NAALADL2: variants seen among roughly 807,000 people sequenced by gnomAD.
The protein encoded by NAALADL2 is N-acetylated alpha-linked acidic dipeptidase like 2.
In NAALADL2, 76 loss-of-function variants were observed where a neutral mutation model predicts 87.2. The ratio of observed to expected loss-of-function variants is 0.87; its 90% CI spans 0.72 to 1.05. The LOEUF (loss-of-function observed/expected upper bound fraction) is 1.05, where lower values mean the gene tolerates loss of function less well. Ranked by LOEUF, NAALADL2 falls within the 50% of genes least tolerant of loss-of-function variation. NAALADL2 has a pLI of 0.00. For missense variants in NAALADL2, 1,089 were observed against 945.8 expected, an observed-to-expected ratio of 1.15 and a Z score of -1.99; for synonymous variants, 354 against 331.0, an observed-to-expected ratio of 1.07 and a Z score of -0.75.
At chr3:175,791,729 A>G (rs1752798860) in intron 13 of NAALADL2, among the ~76,000 whole-genome samples, 1 of 152,030 alleles carries the variant, frequency 6.6e-6, no homozygotes, top group South Asian at 2.1e-4. Flanking sequence ...TCATTTCTGT[A>G]AACTGTTACA....
chr3:175,687,856 C>T (rs2149903905), intron 11 of NAALADL2, among the ~76,000 whole-genome samples: 1 of 151,974 alleles, frequency 6.6e-6, no homozygotes, highest in South Asian at 2.1e-4. Flanking sequence ...TTCTGCTTGC[C>T]ATGTGATGCA....
At chr3:175,598,983 C>G (rs983410007) in intron 10 of NAALADL2, among the ~76,000 whole-genome samples, 4 of 152,150 alleles carry the variant, frequency 2.6e-5, no homozygotes, top group Admixed American at 2.6e-4. Flanking sequence ...TTGTTTGGAT[C>G]CTTCTTTTAT....
At chr3:174,725,773 G>T (rs1232435613) in intron 2 of NAALADL2, among the ~76,000 whole-genome samples, 9 of 152,080 alleles carry the variant, frequency 5.9e-5, no homozygotes, top group Non-Finnish European at 1.2e-4. Flanking sequence ...GTTCTAATTT[G>T]AACCACAGTG....
chr3:174,643,832 G>C (rs1393889336), intron 2 of NAALADL2, among the ~76,000 whole-genome samples: 1 of 151,968 alleles, frequency 6.6e-6, no homozygotes, highest in African/African-American at 2.4e-5. Flanking sequence ...AATAATTATA[G>C]ACCCTAAACC....
chr3:175,748,133 T>G (rs1746158637), intron 12 of NAALADL2, among the ~76,000 whole-genome samples: 1 of 152,214 alleles, frequency 6.6e-6, no homozygotes, highest in African/African-American at 2.4e-5. Context: ...TTTTCACCCT[T>G]AAATAATATC....
intron 1 of NAALADL2, among the ~76,000 whole-genome samples, chr3:174,994,837 C>A (rs1747210489): frequency 1.3e-5 from 2 of 152,106 alleles, no homozygotes; most frequent in South Asian, 4.1e-4. Context: ...TGCAATTTAT[C>A]TTGTTTACAA....
At chr3:175,064,069 C>G (rs77775417) in intron 1 of NAALADL2, among the ~76,000 whole-genome samples, 2 of 151,758 alleles carry the variant, frequency 1.3e-5, no homozygotes, top group Non-Finnish European at 2.9e-5. Flanking sequence ...AGGTTCATCC[C>G]AGGAATTTAT....
At chr3:175,232,234 G>GAAGAAAGA (rs373369596) in intron 2 of NAALADL2, among the ~76,000 whole-genome samples, 32 of 14,204 alleles carry the variant, frequency 2.3e-3, no homozygotes, top group Non-Finnish European at 3.9e-3. Flanking sequence ...AGAAGAGGAA[G>GAAGAAAGA]AGGAAGAAGA....
chr3:174,833,436 C>G (rs1244955787), intron 3 of NAALADL2, among the ~76,000 whole-genome samples: 1 of 152,092 alleles, frequency 6.6e-6, no homozygotes, highest in Non-Finnish European at 1.5e-5. Flanking sequence ...AGAAAGGAAG[C>G]TCCAGGCTTA....
chr3:174,632,532 G>C (rs538002823), intron 2 of NAALADL2, among the ~76,000 whole-genome samples: 1 of 152,156 alleles, frequency 6.6e-6, no homozygotes, highest in African/African-American at 2.4e-5. Context: ...ATGTTGATAA[G>C]GAAAATTTTT....
At chr3:175,089,640 C>T (rs934181154) in intron 1 of NAALADL2, among the ~76,000 whole-genome samples, 1 of 152,118 alleles carries the variant, frequency 6.6e-6, no homozygotes, top group Non-Finnish European at 1.5e-5. Context: ...GGGATATTGT[C>T]ACTCTGTACA....
intron 2 of NAALADL2, among the ~76,000 whole-genome samples, chr3:174,703,308 T>A (rs1729735020): frequency 6.6e-6 from 1 of 151,784 alleles, no homozygotes; most frequent in South Asian, 2.1e-4. Flanking sequence ...CCTGGCTTTT[T>A]TTTTTTTTTT....
At chr3:175,201,380 A>G (rs1034254160) in intron 2 of NAALADL2, among the ~76,000 whole-genome samples, 2 of 152,198 alleles carry the variant, frequency 1.3e-5, no homozygotes, top group Non-Finnish European at 2.9e-5. Context: ...ATATGTTCCA[A>G]CTACTTATTG....
chr3:174,706,369 G>A (rs892809019), intron 2 of NAALADL2, among the ~76,000 whole-genome samples: 1 of 152,140 alleles, frequency 6.6e-6, no homozygotes, highest in African/African-American at 2.4e-5. Context: ...AAACATAACA[G>A]TAGAAATCCT....
chr3:175,661,673 A>G (rs1308548526), intron 11 of NAALADL2, among the ~76,000 whole-genome samples: 1 of 151,968 alleles, frequency 6.6e-6, no homozygotes, highest in African/African-American at 2.4e-5. Context: ...ATTTGTGTAT[A>G]TGGTGACAGA....
chr3:175,377,893 T>C (rs1302652836), intron 5 of NAALADL2, among the ~76,000 whole-genome samples: 1 of 152,142 alleles, frequency 6.6e-6, no homozygotes, highest in South Asian at 2.1e-4. Flanking sequence ...CCCCATCCCC[T>C]TTTCAGCTCC....
At position 174,588,190 on chromosome 3, in the gene NAALADL2, C is replaced by T. The variant is rs571040990; in HGVS notation, c.-115+37553C>T. On this transcript the variant is annotated intron_variant, in intron 2 of 3. Coordinates refer to the NAALADL2 transcript ENST00000434257. Reference sequence around the variant, plus strand: ...GATACTGAAGCTTATGCATGCGTCACGTAGTTCTCGTGCCATGGTTTTCAG... The same window carrying T: ...GATACTGAAGCTTATGCATGCGTCATGTAGTTCTCGTGCCATGGTTTTCAG... Among the ~76,000 whole-genome samples the T allele has an allele frequency of 3.9e-5, 6 of 152,266 alleles. No individual in the cohort carries two copies. The South Asian group carries it at 1.0e-3, about 26-fold the overall frequency.
intron 2 of NAALADL2, among the ~76,000 whole-genome samples, chr3:175,216,668 C>CTTTTTTTTTTTTTT (rs3067029): frequency 3.4e-5 from 3 of 87,344 alleles, no homozygotes; most frequent in Non-Finnish European, 5.0e-5. Flanking sequence ...TTTTTCTTTT[C>CTTTTTTTTTTTTTT]TTTTTTTTTT....
chr3:175,779,360 T>G (rs1163991091), intron 13 of NAALADL2, among the ~76,000 whole-genome samples: 1 of 152,218 alleles, frequency 6.6e-6, no homozygotes, highest in Non-Finnish European at 1.5e-5. Flanking sequence ...ACTGTACACT[T>G]AGATGAACAT....
Sources: gnomAD v4.1 joint callset for allele counts (sites outside exome capture counted in the v4.1 genomes callset) on GRCh38, gnomAD v4.1.1 for gene constraint, MANE v1.5 for transcripts, NCBI Gene and HGNC (gene_info 2026-07-23, HGNC 2026-07-21) for gene names.